Variants in AKAP6 observed in about 807,000 individuals in gnomAD.
The protein encoded by AKAP6 is A-kinase anchoring protein 6, also known as A-kinase anchor protein 6.
In AKAP6, 58 loss-of-function variants were observed where a neutral mutation model predicts 188.5. The ratio of observed to expected loss-of-function variants is 0.31; its 90% CI spans 0.25 to 0.38. The LOEUF is 0.38. Among genes scored for constraint, AKAP6 ranks in the 10% least tolerant of loss-of-function variants. The pLI is 1.00. For missense variants in AKAP6, 2,710 were observed against 2,740.0 expected, an observed-to-expected ratio of 0.99 and a Z score of 0.24; for synonymous variants, 989 against 998.6, an observed-to-expected ratio of 0.99 and a Z score of 0.18.
At chr14:32,346,261 C>T (rs1421012486) in intron 1 of AKAP6, among the ~76,000 whole-genome samples, 1 of 152,092 alleles carries the variant, frequency 6.6e-6, no homozygotes, top group Non-Finnish European at 1.5e-5. Context: ...GCCCTGTTTT[C>T]AGGGAGCTAA....
chr14:32,666,939 A>C (rs1888967386), intron 7 of AKAP6, among the ~76,000 whole-genome samples: 1 of 152,094 alleles, frequency 6.6e-6, no homozygotes, highest in Non-Finnish European at 1.5e-5. Flanking sequence ...AAGCTTTTTT[A>C]ATGTCATTTG....
In AKAP6 at chr14:32,736,779, A is replaced by G. The variant is rs370500056; in HGVS notation, c.3372+897A>G. ...CATCCCACCTTGCCTGCAATCATCC[A>G]GTAATCCGTCAGAAAATTTAGTCAC... On this transcript the variant is annotated intron_variant, in intron 11 of 13. Coordinates refer to ENST00000280979, the MANE Select transcript of AKAP6 (RefSeq NM_004274.5). 2.3e-4 allele frequency among the ~76,000 whole-genome samples: 31 copies of G among 137,468 alleles called. 1 individual carries two copies. Among genetic ancestry groups the G allele is most frequent in the East Asian group, 2.0e-3 (9 of 4,562 alleles). The allele number at this position is 137,468 out of a possible 152,430, so 90.2% of individuals were successfully genotyped here. A position where few individuals can be genotyped will look rare whatever the true frequency, so the allele number is the denominator to read the frequency against.
chr14:32,824,974 CTG>C (rs1422307892), intron 13 of AKAP6, among the ~76,000 whole-genome samples, 159 bp downstream of exon 13: 1 of 150,594 alleles, frequency 6.6e-6, no homozygotes, highest in Non-Finnish European at 1.5e-5. Context: ...ATGAAAGTAA[CTG>C]TGAAGCAAAA....
intron 2 of AKAP6, among the ~76,000 whole-genome samples, chr14:32,508,894 C>T (rs1478869695): frequency 5.3e-5 from 8 of 151,060 alleles, no homozygotes; most frequent in African/African-American, 1.5e-4. Flanking sequence ...GGTGCAATCT[C>T]GGCTCACTGC....
intron 9 of AKAP6, among the ~76,000 whole-genome samples, chr14:32,707,631 T>C (rs566846446): frequency 3.9e-5 from 6 of 152,196 alleles, no homozygotes; most frequent in Non-Finnish European, 8.8e-5. Context: ...GCACAGTGCC[T>C]GGCACATAAT....
intron 4 of AKAP6, among the ~76,000 whole-genome samples, chr14:32,548,587 TATAA>T (rs1883311792): frequency 6.9e-6 from 1 of 144,166 alleles, no homozygotes; most frequent in African/African-American, 2.6e-5. Context: ...GATAGATAGA[TATAA>T]AGAGATGGTA....
intron 1 of AKAP6, among the ~76,000 whole-genome samples, chr14:32,402,438 C>A (rs938696824): frequency 9.2e-5 from 14 of 152,128 alleles, no homozygotes; most frequent in Non-Finnish European, 1.6e-4. Flanking sequence ...TTATTATTTC[C>A]TGATATCAAA....
intron 7 of AKAP6, among the ~76,000 whole-genome samples, 188 bp downstream of exon 7, chr14:32,600,980 T>A (rs1802382890): frequency 6.6e-6 from 1 of 152,092 alleles, no homozygotes; most frequent in African/African-American, 2.4e-5. Context: ...AACTTCCAAG[T>A]TTTCCAGGAA....
chr14:32,361,763 T>C (rs2138489521), intron 1 of AKAP6, among the ~76,000 whole-genome samples: 1 of 152,278 alleles, frequency 6.6e-6, no homozygotes, highest in African/African-American at 2.4e-5. Flanking sequence ...TTGATTTCTG[T>C]TTGTTCATTT....
intron 5 of AKAP6, among the ~76,000 whole-genome samples, chr14:32,586,907 A>G (rs1477903431): frequency 2.0e-5 from 3 of 152,224 alleles, no homozygotes; most frequent in Non-Finnish European, 4.4e-5. Context: ...TACCTTTCAT[A>G]TGAAATTTCT....
Position 32,735,848 on chromosome 14 carries a change from C to A in AKAP6, c.3338C>A (p.Thr1113Lys), listed in dbSNP as rs1372286484. ...NSCLRQEKEG[T>K]MNTEKQLQYF... ...TGTCTGAGACAAGAAAAGGAAGGAA[C>A]AATGAATACTGAGAAACAACTGCAA... The change falls in exon 11 of 14, where the codon ACA becomes AAA. Residue 1113 changes from threonine (T) to lysine (K), a missense_variant. Thr to Lys is a moderately conservative substitution (Grantham distance 78). Transcript: ENST00000280979. 1.9e-6 allele frequency: 3 copies of A among 1,611,152 alleles called. No individual in the cohort carries two copies. Among genetic ancestry groups the A allele is most frequent in the Admixed American group, 1.7e-5 (1 of 59,430 alleles).
intron 2 of AKAP6, among the ~76,000 whole-genome samples, chr14:32,444,384 T>C (rs1890690641): frequency 6.6e-6 from 1 of 152,188 alleles, no homozygotes. Flanking sequence ...ATGTCTCTTG[T>C]CACTTGGTAT....
chr14:32,417,446 T>C (rs1255212276), intron 1 of AKAP6, among the ~76,000 whole-genome samples: 1 of 152,140 alleles, frequency 6.6e-6, no homozygotes, highest in East Asian at 1.9e-4. Flanking sequence ...CAAGATCAGT[T>C]TTTCTCCACG....
intron 1 of AKAP6, among the ~76,000 whole-genome samples, chr14:32,363,480 A>G (rs1275883335): frequency 6.6e-6 from 1 of 152,212 alleles, no homozygotes; most frequent in Non-Finnish European, 1.5e-5. Flanking sequence ...TTGGAAAGCC[A>G]ATAGTGCAGC....
chr14:32,420,724 G>T (rs930914720), intron 1 of AKAP6, among the ~76,000 whole-genome samples: 1 of 152,092 alleles, frequency 6.6e-6, no homozygotes, highest in African/African-American at 2.4e-5. Context: ...ACCTGTTGTA[G>T]TCTGGACTGG....
intron 11 of AKAP6, among the ~76,000 whole-genome samples, chr14:32,748,584 A>G (rs567840071): frequency 6.6e-6 from 1 of 152,228 alleles, no homozygotes; most frequent in South Asian, 2.1e-4. Context: ...GGTGAGTTGT[A>G]TGATCTCTAG....
chr14:32,718,293 A>T (rs2030339179), intron 9 of AKAP6: 1 of 985,280 alleles, frequency 1.0e-6, no homozygotes, highest in African/African-American at 1.7e-5. Flanking sequence ...ATGACAGTCA[A>T]GCTTTCTGAG....
Position 32,824,372 on chromosome 14 carries a change from A to G in AKAP6, c.6559A>G (p.Met2187Val). ...NESAVPSEAA[M>V]PLQATACSSE... is the part of the protein sequence containing the mutation. ...ATCTGCAGTTCCCAGCGAAGCTGCA[A>G]TGCCACTACAAGCAACAGCATGTTC... The change falls in exon 13 of 14, where the codon ATG (methionine) becomes GTG (valine). Residue 2187 changes from methionine (M) to valine (V), a missense_variant. Transcript: ENST00000280979. The G allele has an allele frequency of 3.1e-6, 5 of 1,613,924 alleles. No homozygotes were observed. The highest frequency in any genetic ancestry group is 2.2e-5 in the East Asian group (1 of 44,870).
Position 32,831,233 on chromosome 14 carries a change from G to A in AKAP6, c.*1428G>A, listed in dbSNP as rs2034814841. 6.6e-6 allele frequency: 1 copy of A among 152,076 alleles called. No homozygotes were observed. Among genetic ancestry groups the A allele is most frequent in the African/African-American group, 2.4e-5 (1 of 41,416 alleles). The allele number at this position is 152,076 out of a possible 1,614,324, so 9.4% of individuals were successfully genotyped here. ...TATATGTGTAAAAGAAATTGACAAA[G>A]AAATATTTCATCTGGCCTTTACTGA... is the stretch of plus-strand genomic sequence containing the variant. On this transcript the variant is annotated 3_prime_UTR_variant, in exon 14 of 14. Transcript: ENST00000280979.
Sources: gnomAD v4.1 joint callset for allele counts (sites outside exome capture counted in the v4.1 genomes callset) on GRCh38, gnomAD v4.1.1 for gene constraint, MANE v1.5 for transcripts, NCBI Gene and HGNC (gene_info 2026-07-23, HGNC 2026-07-21) for gene names.